DIDO1: variants seen among roughly 807,000 people sequenced by gnomAD.
DIDO1 encodes the protein death inducer-obliterator 1.
DIDO1 carries 16 observed loss-of-function variants against 99.4 expected under a neutral mutation model. The observed-to-expected ratio is 0.16, with a 90% confidence interval of 0.11 to 0.24. DIDO1 has a LOEUF of 0.24. DIDO1 is among the 10% of genes least tolerant of loss of function. The pLI, the probability that DIDO1 is intolerant of heterozygous loss-of-function variation, is 1.00. For synonymous variants in DIDO1, 1,366 were observed against 1,239.1 expected (o/e 1.10, Z -2.15); for missense variants, 2,996 against 3,014.0 (o/e 0.99, Z 0.14).
At chr20:62,898,610 G>C (rs2147429765) in intron 6 of DIDO1, among the ~76,000 whole-genome samples, 1 of 152,256 alleles carries the variant, frequency 6.6e-6, no homozygotes, top group East Asian at 1.9e-4. Flanking sequence ...CTAACCTCAT[G>C]GCCGGCCCCT....
chr20:62,896,302 T>C lies in DIDO1; in HGVS notation c.2145A>G (p.Gln715=). The change falls in exon 8 of 16, where the codon CAA becomes CAG. Residue 715 remains glutamine (Q), a synonymous_variant. Transcript: ENST00000395343. This position sits in a 1 kb window ranked among gnomAD's most constrained non-coding sequence, Gnocchi z 4.4. ...TACTCTTGTAGCGATTATCTGTAAC[T>C]TGAAACAAGTTAAACATCTCCTTCT... ...HIEKEMFNLF[Q]VTDNRYKSKY... The C allele has an allele frequency of 6.2e-7, 1 of 1,614,036 alleles. No individual in the cohort carries two copies. Among genetic ancestry groups the C allele is most frequent in the Non-Finnish European group, 8.5e-7 (1 of 1,179,996 alleles).
Position 62,894,508 on chromosome 20 carries a change from G to A in DIDO1, c.2477C>T (p.Thr826Ile). 6.2e-7 allele frequency: 1 copy of A among 1,613,104 alleles called. No individual in the cohort carries two copies. The highest frequency in any genetic ancestry group is 8.5e-7 in the Non-Finnish European group (1 of 1,180,024). Residue 826 changes from threonine (T) to isoleucine (I), a missense_variant, in exon 11 of 16, where the codon ACA becomes ATA. This residue lies in a region of DIDO1 where 898 missense variants were observed against 972.7 expected (regional missense o/e 0.92). Coordinates refer to ENST00000395343, the MANE Select transcript of DIDO1 (RefSeq NM_001193369.2). The surrounding 1 kb of genome is among the most constrained non-coding windows in gnomAD (Gnocchi z 4.4). The stretch of plus-strand genomic sequence containing the variant: ...GCTGAAGACGTCGAGAAGCGGCGCT[G>A]TGCTCTTCTCAGGGACAGCACGTGC... ...ESARAVPEKSTAPLLDVFSSM... is the reference protein window; with the variant it reads ...ESARAVPEKSIAPLLDVFSSM...
At chr20:62,908,710 G>C (rs556807265) in intron 4 of DIDO1, among the ~76,000 whole-genome samples, 6 of 152,194 alleles carry the variant, frequency 3.9e-5, no homozygotes, top group African/African-American at 1.4e-4. Context: ...ATTAAAAAAA[G>C]ATGTTGGGCG....
chr20:62,916,769 A>T (rs2065045654), intron 1 of DIDO1, among the ~76,000 whole-genome samples: 3 of 152,206 alleles, frequency 2.0e-5, no homozygotes, highest in Admixed American at 2.0e-4. Flanking sequence ...GAGTATTGTA[A>T]CCATCTTCAC....
At chr20:62,899,436 G>A (rs781035486) in intron 6 of DIDO1, among the ~76,000 whole-genome samples, 41 of 151,996 alleles carry the variant, frequency 2.7e-4, no homozygotes, top group Admixed American at 1.2e-3. Context: ...TCTCCAGATC[G>A]TAAGTGTTGG....
intron 6 of DIDO1, chr20:62,905,209 G>A: frequency 8.7e-7 from 1 of 1,149,128 alleles, no homozygotes; most frequent in Non-Finnish European, 1.1e-6. Flanking sequence ...CAAGTCCAAG[G>A]CACGCGTCCT....
At chr20:62,886,394 C>T (rs577042860) in intron 15 of DIDO1, among the ~76,000 whole-genome samples, 67 of 152,318 alleles carry the variant, frequency 4.4e-4, no homozygotes, top group African/African-American at 1.5e-3. Context: ...GTATTCATGA[C>T]GGAGGGGTCT....
chr20:62,918,168 C>T (rs1173761601), intron 1 of DIDO1, among the ~76,000 whole-genome samples: 2 of 152,224 alleles, frequency 1.3e-5, no homozygotes, highest in Non-Finnish European at 2.9e-5. Flanking sequence ...ATAAAAATAT[C>T]TTCCCAAAAG....
chr20:62,896,055 G>A lies in DIDO1; in HGVS notation c.2214+178C>T, dbSNP rs531550615. Among the ~76,000 whole-genome samples, 38 of 152,308 alleles carry A rather than the reference G, an allele frequency of 2.5e-4. No homozygotes were observed. The highest frequency in any genetic ancestry group is 8.7e-4 in the African/African-American group (36 of 41,564). On this transcript the variant is annotated intron_variant, in intron 8 of 15. Coordinates refer to ENST00000395343, the MANE Select transcript of DIDO1 (RefSeq NM_001193369.2). The surrounding 1 kb of genome is among the most constrained non-coding windows in gnomAD (Gnocchi z 4.4). ...CTAGTTAAGGCAGGGAAGGGAAGGG[G>A]TTTCCAGGACGCTCAACGCCAGTGC...
chr20:62,905,252 C>A, intron 6 of DIDO1: 1 of 1,331,154 alleles, frequency 7.5e-7, no homozygotes, highest in Non-Finnish European at 9.6e-7. Context: ...TGTGAACTCA[C>A]TTACCGTGGG....
chr20:62,904,917 T>C lies in DIDO1; in HGVS notation c.1588+970A>G, dbSNP rs1353523943. The C allele has an allele frequency of 1.2e-5, 11 of 916,876 alleles. No individual in the cohort carries two copies. In the African/African-American group the frequency reaches 1.8e-4, roughly 15 times the overall value. 56.8% of individuals were successfully genotyped at this position (916,876 alleles called of 1,614,324 possible). On this transcript the variant is annotated intron_variant, in intron 6 of 15. Coordinates refer to ENST00000395343, the MANE Select transcript of DIDO1 (RefSeq NM_001193369.2). ...CTGACGACGGGAAAGTGGGGCACTC[T>C]GTGATCATCTTTGAATTGAGACTAT...
At chr20:62,930,202 CAAAG>C (rs2065318393), upstream of DIDO1, among the ~76,000 whole-genome samples, 1 of 140,168 alleles carries the variant, frequency 7.1e-6, no homozygotes, top group Non-Finnish European at 1.5e-5. Context: ...GACTCCGTCT[CAAAG>C]AAACAAACAA....
intron 1 of DIDO1, among the ~76,000 whole-genome samples, chr20:62,923,861 T>C (rs1191396652): frequency 6.6e-6 from 1 of 152,228 alleles, no homozygotes; most frequent in Non-Finnish European, 1.5e-5. Flanking sequence ...AAATGCCTCC[T>C]TTACAACTTA....
At chr20:62,890,800 C>T (rs2064380074) in intron 15 of DIDO1, 160 bp downstream of exon 15, 3 of 1,488,952 alleles carry the variant, frequency 2.0e-6, no homozygotes, top group Non-Finnish European at 2.7e-6. Flanking sequence ...CACAGTCCTA[C>T]GCCCTCAAAG....
At chr20:62,920,954 C>T (rs2065125252) in intron 1 of DIDO1, among the ~76,000 whole-genome samples, 1 of 152,212 alleles carries the variant, frequency 6.6e-6, no homozygotes, top group African/African-American at 2.4e-5. Flanking sequence ...AGTGGAGTGG[C>T]ACGATCTCAG....
chr20:62,911,615 C>G lies in DIDO1; in HGVS notation c.-2-1G>C. The G allele has an allele frequency of 6.4e-7, 1 of 1,559,492 alleles. No individual in the cohort carries two copies. Among genetic ancestry groups the G allele is most frequent in the Non-Finnish European group, 8.7e-7 (1 of 1,151,016 alleles). ...CTCGGGTCGCCTTTGTCGTCCATAC[C>G]TAGCGGTAAAGTGTAAGCACATAGT... On this transcript the variant is annotated splice_acceptor_variant, in intron 2 of 15. Coordinates refer to ENST00000395343, the MANE Select transcript of DIDO1 (RefSeq NM_001193369.2). LOFTEE classifies it low-confidence loss of function (5UTR_SPLICE). The surrounding 1 kb of genome is among the most constrained non-coding windows in gnomAD (Gnocchi z 7.0).
intron 2 of DIDO1, 145 bp downstream of exon 2, chr20:62,914,065 G>T (rs1044756862): frequency 6.6e-6 from 1 of 152,208 alleles, no homozygotes; most frequent in East Asian, 1.9e-4. Flanking sequence ...TATAGAGACT[G>T]CTGATACAAA....
chr20:62,891,508 C>G (rs1369171314), intron 14 of DIDO1, among the ~76,000 whole-genome samples: 1 of 152,172 alleles, frequency 6.6e-6, no homozygotes, highest in Admixed American at 6.5e-5. Context: ...AAACCACAGA[C>G]AGACACGCAC....
chr20:62,885,973 A>G (rs73918854), intron 15 of DIDO1, among the ~76,000 whole-genome samples: 2,844 of 152,298 alleles, frequency 0.019, 85 homozygotes, highest in African/African-American at 0.065. Flanking sequence ...GGCTGTTCCC[A>G]GGCTAGCCCC....
Sources: gnomAD v4.1 joint callset for allele counts (sites outside exome capture counted in the v4.1 genomes callset) on GRCh38, gnomAD v4.1.1 for gene constraint, gnomAD v4.1.1 regional missense constraint, Gnocchi (gnomAD v3.1) non-coding constraint, MANE v1.5 for transcripts, NCBI Gene and HGNC (gene_info 2026-07-23, HGNC 2026-07-21) for gene names.